KCNK9: variants seen among roughly 807,000 people sequenced by gnomAD.
The protein encoded by KCNK9 is potassium two pore domain channel subfamily K member 9.
A neutral mutation model predicts 10.8 loss-of-function variants in KCNK9; 1 was observed. That is an observed-to-expected ratio of 0.09 (90% CI 0.03 to 0.44). KCNK9 has a LOEUF of 0.44. Ranked by LOEUF, KCNK9 falls within the 20% of genes least tolerant of loss-of-function variation. The pLI is 0.97. For missense variants in KCNK9, 303 were observed against 515.0 expected, an observed-to-expected ratio of 0.59 and a Z score of 3.98; for synonymous variants, 231 against 222.7, an observed-to-expected ratio of 1.04 and a Z score of -0.33.
intron 2 of KCNK9, among the ~76,000 whole-genome samples, chr8:139,602,288 G>A (rs1563707061): frequency 6.6e-6 from 1 of 152,202 alleles, no homozygotes; most frequent in Non-Finnish European, 1.5e-5. Flanking sequence ...AGGATGGGTT[G>A]GTGATGAATG....
downstream of KCNK9, among the ~76,000 whole-genome samples, chr8:139,610,309 CA>C (rs1814381406): frequency 6.6e-6 from 1 of 152,210 alleles, no homozygotes. Context: ...CAAGTGCCCA[CA>C]AGGCCTTAGC....
intron 1 of KCNK9, among the ~76,000 whole-genome samples, chr8:139,654,700 C>T (rs1044058117): frequency 3.3e-5 from 5 of 152,220 alleles, no homozygotes; most frequent in Admixed American, 3.3e-4. Flanking sequence ...GTAAGATCCA[C>T]GAAGACACGC....
At chr8:139,625,141 C>T (rs774412019) in intron 1 of KCNK9, among the ~76,000 whole-genome samples, 8 of 148,512 alleles carry the variant, frequency 5.4e-5, no homozygotes, top group South Asian at 2.1e-4. Context: ...CTCAGGCTGG[C>T]GTGCAGCCCT....
chr8:139,683,303 C>T (rs559184807), intron 1 of KCNK9, among the ~76,000 whole-genome samples: 28 of 152,274 alleles, frequency 1.8e-4, no homozygotes, highest in Admixed American at 8.5e-4. Context: ...GCACCCGCCC[C>T]ACCCCTGCTG....
chr8:139,610,720 ACT>A (rs1413079913), downstream of KCNK9, among the ~76,000 whole-genome samples: 1 of 152,170 alleles, frequency 6.6e-6, no homozygotes, highest in Non-Finnish European at 1.5e-5. Context: ...AAAGCCTGAG[ACT>A]CGGGCTAGGG....
At chr8:139,664,322 A>G (rs532033792) in intron 1 of KCNK9, among the ~76,000 whole-genome samples, 1 of 152,230 alleles carries the variant, frequency 6.6e-6, no homozygotes, top group African/African-American at 2.4e-5. Context: ...ACTCTTCAGC[A>G]TGAATCCTGC....
intron 1 of KCNK9, among the ~76,000 whole-genome samples, chr8:139,623,668 T>G (rs1355133468): frequency 6.6e-6 from 1 of 151,810 alleles, no homozygotes; most frequent in Non-Finnish European, 1.5e-5. Flanking sequence ...CCCCCTACCC[T>G]CCAGGCACTA....
At chr8:139,611,642 C>T (rs1429189897), downstream of KCNK9, 1 of 152,230 alleles carries the variant, frequency 6.6e-6, no homozygotes, top group Admixed American at 6.5e-5. Flanking sequence ...CAAGTATGCT[C>T]CCATAGTCTG....
At chr8:139,685,852 C>T (rs950704863) in intron 1 of KCNK9, among the ~76,000 whole-genome samples, 1 of 152,148 alleles carries the variant, frequency 6.6e-6, no homozygotes, top group African/African-American at 2.4e-5. Context: ...CTTGAGGGAT[C>T]GCCATACTGT....
downstream of KCNK9, among the ~76,000 whole-genome samples, chr8:139,610,819 T>C (rs1176269187): frequency 6.6e-6 from 1 of 152,208 alleles, no homozygotes; most frequent in Non-Finnish European, 1.5e-5. Context: ...GTGGCTTGAA[T>C]GACTTAGGAT....
At chr8:139,638,206 C>T (rs192112098) in intron 1 of KCNK9, among the ~76,000 whole-genome samples, 3 of 152,148 alleles carry the variant, frequency 2.0e-5, no homozygotes, top group African/African-American at 7.2e-5. Context: ...TCTCCAGGAA[C>T]GTGGGAAGAC....
At chr8:139,700,894 ATGT>A (rs1414541224) in intron 1 of KCNK9, among the ~76,000 whole-genome samples, 1 of 152,056 alleles carries the variant, frequency 6.6e-6, no homozygotes, top group Non-Finnish European at 1.5e-5. Flanking sequence ...CCTCTCCTCG[ATGT>A]TGTCGCTCAA....
chr8:139,614,083 A>G (rs149889259), downstream of KCNK9, among the ~76,000 whole-genome samples: 102 of 152,238 alleles, frequency 6.7e-4, no homozygotes, highest in African/African-American at 2.1e-3. Flanking sequence ...CTCCTGGCCA[A>G]TGTGCACAGA....
At chr8:139,656,664 C>CTAT (rs1403599688) in intron 1 of KCNK9, among the ~76,000 whole-genome samples, 4 of 152,204 alleles carry the variant, frequency 2.6e-5, no homozygotes, top group African/African-American at 9.6e-5. Flanking sequence ...AGCTCAACCC[C>CTAT]ACACAGTGCC....
chr8:139,666,443 G>A (rs529807515), intron 1 of KCNK9, among the ~76,000 whole-genome samples: 5 of 152,302 alleles, frequency 3.3e-5, no homozygotes, highest in Admixed American at 1.3e-4. Flanking sequence ...TCGGCCGTCC[G>A]GTGGCACTCT....
At chr8:139,613,658 T>G (rs1396539320), downstream of KCNK9, among the ~76,000 whole-genome samples, 1 of 152,228 alleles carries the variant, frequency 6.6e-6, no homozygotes, top group Admixed American at 6.5e-5. Context: ...CCAAGCTGTC[T>G]CGTTGTGTTG....
chr8:139,665,577 G>T (rs1563742452), intron 1 of KCNK9, among the ~76,000 whole-genome samples: 1 of 152,216 alleles, frequency 6.6e-6, no homozygotes, highest in Non-Finnish European at 1.5e-5. Context: ...TCTGCCAACT[G>T]TTAGGTGCCT....
rs112154730 is a variant in KCNK9 at position 139,674,423 on chromosome 8, T to C, written c.283+28287A>G. On this transcript the variant is annotated intron_variant, in intron 1 of 1. Coordinates refer to ENST00000520439, the MANE Select transcript of KCNK9 (RefSeq NM_001282534.2). ...TGTCTGAGCCGCTCCGAGGGCAGCC[T>C]GAGCTGATGAGTATAGGGGGCCAGG... Among the ~76,000 whole-genome samples, 1,374 of 152,290 alleles carry C rather than the reference T, an allele frequency of 9.0e-3. 17 individuals are homozygous for C. The highest frequency in any genetic ancestry group is 0.032 in the African/African-American group (1,314 of 41,568).
exon 3 of KCNK9, chr8:139,601,457 A>G (rs1453695158): frequency 6.6e-6 from 1 of 152,108 alleles, no homozygotes; most frequent in Non-Finnish European, 1.5e-5. Context: ...CGAGATCTGG[A>G]TTTTTATCCG....
Sources: allele counts gnomAD v4.1 joint callset (sites outside exome capture counted in the v4.1 genomes callset), GRCh38; gene constraint gnomAD v4.1.1; transcripts MANE v1.5; gene names NCBI Gene and HGNC (gene_info 2026-07-23, HGNC 2026-07-21).